CDH23: variants seen among roughly 807,000 people sequenced by gnomAD.
CDH23 encodes cadherin related 23.
In CDH23, 189 loss-of-function variants were observed where a neutral mutation model predicts 317.1. That is an observed-to-expected ratio of 0.60 (90% CI 0.53 to 0.67). The LOEUF (loss-of-function observed/expected upper bound fraction) is 0.67, where lower values mean the gene tolerates loss of function less well. CDH23 is among the 30% of genes least tolerant of loss of function. CDH23 has a pLI of 0.00. For missense variants in CDH23, 4,401 were observed against 4,592.4 expected, an observed-to-expected ratio of 0.96 and a Z score of 1.20; for synonymous variants, 1,839 against 1,876.8, an observed-to-expected ratio of 0.98 and a Z score of 0.52.
At chr10:71,752,296 T>A (rs770288695) in intron 38 of CDH23, among the ~76,000 whole-genome samples, 4 of 152,198 alleles carry the variant, frequency 2.6e-5, no homozygotes, top group Non-Finnish European at 5.9e-5. Context: ...GGGAGTGGGA[T>A]AACTTCTGAA....
intron 38 of CDH23, among the ~76,000 whole-genome samples, chr10:71,772,759 G>C (rs975218043): frequency 6.6e-6 from 1 of 152,194 alleles, no homozygotes; most frequent in Non-Finnish European, 1.5e-5. Context: ...GCAGGAATCA[G>C]CTGACCACTT....
chr10:71,573,789 G>A (rs892894974), intron 8 of CDH23, among the ~76,000 whole-genome samples: 7 of 152,302 alleles, frequency 4.6e-5, no homozygotes, highest in African/African-American at 1.7e-4. Flanking sequence ...TGCATTGAGG[G>A]TTTCAGACCC....
chr10:71,590,782 C>T (rs1026444173), intron 9 of CDH23, among the ~76,000 whole-genome samples: 1 of 149,550 alleles, frequency 6.7e-6, no homozygotes, highest in African/African-American at 2.5e-5. Flanking sequence ...GGGAGAATCA[C>T]TTGAGCCCAG....
rs1459967571 is a variant in CDH23 at position 71,777,750 on chromosome 10, A to G, written c.4916A>G (p.Tyr1639Cys). 1.2e-6 allele frequency: 2 copies of G among 1,613,610 alleles called. No homozygotes were observed. The highest frequency in any genetic ancestry group is 2.2e-5 in the East Asian group (1 of 44,882). The change falls in exon 39 of 70, where the codon TAT becomes TGT. Residue 1639 changes from tyrosine to cysteine, a missense_variant. Transcript: ENST00000224721. Reference protein sequence around the residue: ...DNAPMFQQPHYEVLLDEGPDT... With the variant: ...DNAPMFQQPHCEVLLDEGPDT... ...GCGCCCATGTTCCAGCAGCCCCACT[A>G]TGAGGTGCTGCTGGATGAGGGCCCA... is the stretch of plus-strand genomic sequence containing the variant.
At chr10:71,809,167 C>CTTTTTTTTTTTTTT (rs61078259) in intron 60 of CDH23, among the ~76,000 whole-genome samples, 2 of 68,828 alleles carry the variant, frequency 2.9e-5, no homozygotes, top group African/African-American at 6.2e-5. Context: ...TTTCTTTTTC[C>CTTTTTTTTTTTTTT]TTTTTTTTTT....
intron 9 of CDH23, among the ~76,000 whole-genome samples, chr10:71,590,228 C>T (rs1275764370): frequency 1.3e-5 from 2 of 152,242 alleles, no homozygotes; most frequent in Non-Finnish European, 2.9e-5. Flanking sequence ...ATCCTGGAAA[C>T]AGAGATTTCA....
chr10:71,415,029 C>T (rs1848479283), intron 1 of CDH23, among the ~76,000 whole-genome samples: 1 of 152,084 alleles, frequency 6.6e-6, no homozygotes, highest in African/African-American at 2.4e-5. Flanking sequence ...CATTTTTATA[C>T]TCTCTATAGA....
At chr10:71,724,700 C>G (rs1488838894) in intron 29 of CDH23, among the ~76,000 whole-genome samples, 1 of 152,212 alleles carries the variant, frequency 6.6e-6, no homozygotes, top group Non-Finnish European at 1.5e-5. Context: ...AGGGCAGCCC[C>G]CAGCAGCACG....
intron 32 of CDH23, 37 bp downstream of exon 32, chr10:71,732,412 A>T: frequency 6.4e-7 from 1 of 1,551,426 alleles, no homozygotes. Context: ...ATTTCTTCCA[A>T]TCTAACCAAC....
Position 71,617,343 on chromosome 10 carries a change from C to A in CDH23, c.1084C>A (p.Gln362Lys). The A allele has an allele frequency of 6.2e-7, 1 of 1,613,950 alleles. No individual in the cohort carries two copies. The highest frequency in any genetic ancestry group is 8.5e-7 in the Non-Finnish European group (1 of 1,179,882). ...EYSVAITELA[Q>K]VGFALPLFIQ... is the part of the protein sequence containing the mutation. ...CAGCGTGGCCATCACTGAGCTGGCA[C>A]AGGTCGGCTTTGCCCTTCCACTCTT... Residue 362 changes from glutamine (Q) to lysine (K), a missense_variant, in exon 11 of 70, where the codon CAG (glutamine) becomes AAG (lysine). This residue lies in a region of CDH23 where 3,068 missense variants were observed against 3,203.3 expected (regional missense o/e 0.96). Transcript: ENST00000224721.
At chr10:71,739,093 A>G (rs983685925) in intron 35 of CDH23, among the ~76,000 whole-genome samples, 2 of 152,094 alleles carry the variant, frequency 1.3e-5, no homozygotes, top group African/African-American at 4.8e-5. Context: ...TGTTCCGTGC[A>G]TTAGGCCGTG....
At chr10:71,576,172 G>A (rs893865508) in intron 8 of CDH23, among the ~76,000 whole-genome samples, 9 of 152,224 alleles carry the variant, frequency 5.9e-5, no homozygotes, top group Non-Finnish European at 1.0e-4. Flanking sequence ...GCCTGCACCA[G>A]CCCCCTCGTG....
rs543558376 is a variant in CDH23 at position 71,777,509 on chromosome 10, A to G, written c.4846-171A>G. Among the ~76,000 whole-genome samples the G allele has an allele frequency of 1.6e-4, 25 of 152,200 alleles. No homozygotes were observed. The East Asian group carries it at 4.6e-3, about 28-fold the overall frequency. ...AGTTACCTTACTTGGCTTTTGGTGG[A>G]GTTTTTGAGCTTTCTCTCTCTACCA... On this transcript the variant is annotated intron_variant, in intron 38 of 69. Transcript: ENST00000224721.
At chr10:71,582,902 G>C (rs981654353) in intron 9 of CDH23, among the ~76,000 whole-genome samples, 1 of 152,210 alleles carries the variant, frequency 6.6e-6, no homozygotes, top group African/African-American at 2.4e-5. Context: ...GTGGAACTCT[G>C]TGAAGAGGAG....
Position 71,597,810 on chromosome 10 carries a change from G to A in CDH23, c.833-17694G>A, listed in dbSNP as rs574676940. On this transcript the variant is annotated intron_variant, in intron 9 of 69. Coordinates refer to ENST00000224721, the MANE Select transcript of CDH23 (RefSeq NM_022124.6). The stretch of plus-strand genomic sequence containing the variant: ...CAGGCACCTCTCGTACTCACTGCTG[G>A]GGATATGGCCATGAACAGGACAGAC... Among the ~76,000 whole-genome samples the A allele has an allele frequency of 7.0e-4, 106 of 152,294 alleles. 1 individual carries two copies. Among genetic ancestry groups the A allele is most frequent in the Non-Finnish European group, 1.2e-3 (82 of 68,026 alleles).
intron 8 of CDH23, among the ~76,000 whole-genome samples, chr10:71,573,150 T>C (rs1195425836): frequency 2.6e-5 from 4 of 152,194 alleles, no homozygotes; most frequent in Non-Finnish European, 5.9e-5. Context: ...GTGCTGCCAA[T>C]TAGCGGACAT....
intron 69 of CDH23, among the ~76,000 whole-genome samples, chr10:71,814,549 CGTG>C (rs1842053683): frequency 6.6e-6 from 1 of 152,182 alleles, no homozygotes; most frequent in Middle Eastern, 3.2e-3. Flanking sequence ...ATCCCACCTA[CGTG>C]GGAGGCTGAG....
rs567868796 is a variant in CDH23, at chr10:71,800,668, G to A, written c.7395G>A (p.Arg2465=). ...GDIYVLSSLD[R]EKKDHYILTA... Reference sequence around the variant, plus strand: ...TCTATGTGCTGTCTTCTCTGGACCGGGAGAAGAAGGACCACTATATCCTGA... The same window carrying A: ...TCTATGTGCTGTCTTCTCTGGACCGAGAGAAGAAGGACCACTATATCCTGA... Residue 2465 remains arginine (R), a synonymous_variant, in exon 53 of 70, where the codon CGG becomes CGA. Transcript: ENST00000224721. 6.2e-7 allele frequency: 1 copy of A among 1,613,948 alleles called. No individual in the cohort carries two copies. The highest frequency in any genetic ancestry group is 1.7e-5 in the Admixed American group (1 of 60,012).
At chr10:71,551,172 C>T (rs537012566) in intron 6 of CDH23, among the ~76,000 whole-genome samples, 98 of 152,256 alleles carry the variant, frequency 6.4e-4, no homozygotes, top group Admixed American at 2.6e-3. Flanking sequence ...CATTAATTAA[C>T]GTACCATTAA....
Sources: gnomAD v4.1 joint callset for allele counts (sites outside exome capture counted in the v4.1 genomes callset) on GRCh38, gnomAD v4.1.1 for gene constraint, gnomAD v4.1.1 regional missense constraint, MANE v1.5 for transcripts, NCBI Gene and HGNC (gene_info 2026-07-23, HGNC 2026-07-21) for gene names.